Variants in LZTS1 observed in about 807,000 individuals in gnomAD.
LZTS1 encodes the protein leucine zipper tumor suppressor 1.
A neutral mutation model predicts 45.8 loss-of-function variants in LZTS1; 31 were observed. The ratio of observed to expected loss-of-function variants is 0.68; its 90% CI spans 0.51 to 0.91. LZTS1 has a LOEUF of 0.91. Ranked by LOEUF, LZTS1 falls within the 40% of genes least tolerant of loss-of-function variation. LZTS1 has a pLI of 0.00. For missense variants in LZTS1, 821 were observed against 788.9 expected, an observed-to-expected ratio of 1.04 and a Z score of -0.49; for synonymous variants, 359 against 357.3, an observed-to-expected ratio of 1.00 and a Z score of -0.05.
intron 1 of LZTS1, among the ~76,000 whole-genome samples, chr8:20,267,819 C>G (rs113127898): frequency 6.6e-6 from 1 of 152,090 alleles, no homozygotes; most frequent in Admixed American, 6.5e-5. Flanking sequence ...CCGGCCCAGA[C>G]CTCACACTTG....
intron 1 of LZTS1, among the ~76,000 whole-genome samples, chr8:20,273,778 G>A (rs4922148): frequency 0.79 from 118,010 of 149,992 alleles, 48,990 homozygotes; most frequent in East Asian, 0.98. Flanking sequence ...TGTTATATTT[G>A]TTTTTTTTTT....
intron 1 of LZTS1, among the ~76,000 whole-genome samples, chr8:20,272,710 G>C (rs531943286): frequency 3.0e-4 from 46 of 152,276 alleles, no homozygotes; most frequent in African/African-American, 1.1e-3. Context: ...TCAATTCCCT[G>C]AACTCATAAA....
chr8:20,297,597 A>T (rs894356034), intron 1 of LZTS1, among the ~76,000 whole-genome samples: 1 of 151,954 alleles, frequency 6.6e-6, no homozygotes. Context: ...TGTATTTTTA[A>T]TAGAGATGGG....
At chr8:20,276,350 AC>A (rs984577199) in intron 1 of LZTS1, among the ~76,000 whole-genome samples, 17 of 151,802 alleles carry the variant, frequency 1.1e-4, no homozygotes, top group Admixed American at 8.5e-4. Context: ...ACTGCCCCTA[AC>A]CTCTGGGGAG....
At chr8:20,251,150 A>ATATAT (rs1563851104) in intron 3 of LZTS1, among the ~76,000 whole-genome samples, 869 of 78,822 alleles carry the variant, frequency 0.011, 153 homozygotes, top group Middle Eastern at 0.023. Flanking sequence ...TATATATATA[A>ATATAT]AATATAAAGT....
chr8:20,302,477 A>G (rs551141361), intron 1 of LZTS1, among the ~76,000 whole-genome samples: 36 of 152,304 alleles, frequency 2.4e-4, no homozygotes, highest in Admixed American at 6.5e-4. Flanking sequence ...CTCAGGTTGC[A>G]AACACCCTCT....
In LZTS1 at chr8:20,249,012, A is replaced by G. The variant is rs1799809239; in HGVS notation, c.*710T>C. On this transcript the variant is annotated 3_prime_UTR_variant, in exon 4 of 4. Transcript: ENST00000381569. ...GCTGTCCAGAGGCTGCTCAGCTCCCATTTGCAAGAACCAGTAAACAGGGGC... is the reference window on the plus strand; with the variant it reads ...GCTGTCCAGAGGCTGCTCAGCTCCCGTTTGCAAGAACCAGTAAACAGGGGC... 2 of 153,166 alleles carry G rather than the reference A, an allele frequency of 1.3e-5. No homozygotes were observed. Among genetic ancestry groups the G allele is most frequent in the African/African-American group, 4.8e-5 (2 of 41,558 alleles). The allele number at this position is 153,166 out of a possible 1,614,324, so 9.5% of individuals were successfully genotyped here. A position where few individuals can be genotyped will look rare whatever the true frequency, so the allele number is the denominator to read the frequency against.
At chr8:20,281,393 C>G (rs147439090) in intron 1 of LZTS1, among the ~76,000 whole-genome samples, 1 of 126,140 alleles carries the variant, frequency 7.9e-6, no homozygotes, top group Admixed American at 8.6e-5. Context: ...AACCCCATCT[C>G]TACTAAAAAT....
chr8:20,255,932 G>A (rs963082598), intron 1 of LZTS1, among the ~76,000 whole-genome samples: 2 of 151,350 alleles, frequency 1.3e-5, no homozygotes, highest in Non-Finnish European at 2.9e-5. Flanking sequence ...AAAATTAGCC[G>A]GGCGTAGTGG....
intron 1 of LZTS1, among the ~76,000 whole-genome samples, chr8:20,293,265 C>A (rs1275541747): frequency 6.6e-6 from 1 of 152,154 alleles, no homozygotes; most frequent in Non-Finnish European, 1.5e-5. Flanking sequence ...TGCTGTCTAC[C>A]AAATAGCATG....
chr8:20,293,509 G>A lies in LZTS1; in HGVS notation c.-135+10231C>T, dbSNP rs1800933867. Among the ~76,000 whole-genome samples, 3 of 152,180 alleles carry A rather than the reference G, an allele frequency of 2.0e-5. No individual in the cohort carries two copies. In the South Asian group the frequency reaches 6.2e-4, roughly 31 times the overall value. On this transcript the variant is annotated intron_variant, in intron 1 of 3. Coordinates refer to ENST00000381569, the MANE Select transcript of LZTS1 (RefSeq NM_021020.5). Reference sequence around the variant, plus strand: ...TTTGTAGAATGATGTTTTTCTGGATGTTTTGTCTCACCCCCAATACCAGAC... The same window carrying A: ...TTTGTAGAATGATGTTTTTCTGGATATTTTGTCTCACCCCCAATACCAGAC...
intron 3 of LZTS1, among the ~76,000 whole-genome samples, chr8:20,252,056 G>A (rs564183725): frequency 4.4e-4 from 67 of 152,148 alleles, no homozygotes; most frequent in Non-Finnish European, 8.1e-4. Flanking sequence ...GAGCCTCAAC[G>A]ATGGGCTTGA....
intron 1 of LZTS1, among the ~76,000 whole-genome samples, chr8:20,270,902 C>T (rs1431219008): frequency 1.3e-5 from 2 of 151,524 alleles, no homozygotes; most frequent in Non-Finnish European, 2.9e-5. Context: ...GGTTTCGGAA[C>T]CCAGAAAGGA....
intron 1 of LZTS1, among the ~76,000 whole-genome samples, chr8:20,273,704 A>G (rs1363491938): frequency 5.3e-5 from 8 of 152,096 alleles, no homozygotes; most frequent in African/African-American, 1.9e-4. Flanking sequence ...CATTTCCCTG[A>G]GATTCCATAG....
intron 1 of LZTS1, among the ~76,000 whole-genome samples, chr8:20,263,260 C>A (rs1244523187): frequency 1.3e-5 from 2 of 152,094 alleles, no homozygotes; most frequent in Non-Finnish European, 2.9e-5. Context: ...TGGGTCTTCC[C>A]TTCACTGGTG....
At chr8:20,251,308 C>T (rs1164476928) in intron 3 of LZTS1, among the ~76,000 whole-genome samples, 1 of 151,706 alleles carries the variant, frequency 6.6e-6, no homozygotes, top group African/African-American at 2.4e-5. Flanking sequence ...TCACTCCCTT[C>T]GTGGCATGAA....
intron 1 of LZTS1, among the ~76,000 whole-genome samples, chr8:20,300,949 A>G (rs757884910): frequency 2.6e-5 from 4 of 151,908 alleles, no homozygotes; most frequent in Admixed American, 2.6e-4. Flanking sequence ...ACAAAACCCC[A>G]TCTCTACTAA....
intron 1 of LZTS1, among the ~76,000 whole-genome samples, chr8:20,280,582 C>T (rs1049970462): frequency 6.6e-6 from 1 of 152,192 alleles, no homozygotes. Flanking sequence ...AGCAGCACCG[C>T]CTGAATGTGG....
At position 20,266,976 on chromosome 8, in the gene LZTS1, C is replaced by T. The variant is rs576650683; in HGVS notation, c.-134-11661G>A. Among the ~76,000 whole-genome samples the T allele has an allele frequency of 8.6e-5, 13 of 151,974 alleles. No homozygotes were observed. In the East Asian group the frequency reaches 9.7e-4, roughly 11 times the overall value. Reference sequence around the variant, plus strand: ...TACAAAAATTAGCCAGGCATGGTGGCGCGCACCTGTAGTCCCAGCCACTCA... The same window carrying T: ...TACAAAAATTAGCCAGGCATGGTGGTGCGCACCTGTAGTCCCAGCCACTCA... On this transcript the variant is annotated intron_variant, in intron 1 of 3. Transcript: ENST00000381569.
Sources: allele counts gnomAD v4.1 joint callset (sites outside exome capture counted in the v4.1 genomes callset), GRCh38; gene constraint gnomAD v4.1.1; transcripts MANE v1.5; gene names NCBI Gene and HGNC (gene_info 2026-07-23, HGNC 2026-07-21).